The following FAF1 variants were observed in gnomAD, a reference collection of about 807,000 sequenced individuals.
FAF1 encodes the protein Fas associated factor 1, also known as FAS-associated factor 1.
Under a neutral mutation model 92.5 loss-of-function variants are expected in FAF1, and 25 were observed. The ratio of observed to expected loss-of-function variants is 0.27; its 90% confidence interval spans 0.20 to 0.38. The LOEUF (loss-of-function observed/expected upper bound fraction) is 0.38. Among genes scored for constraint, FAF1 ranks in the 10% least tolerant of loss-of-function variants. FAF1 has a pLI of 1.00. For missense variants in FAF1, 636 were observed against 793.3 expected (o/e 0.80, Z 2.38); for synonymous variants, 234 against 273.2 (o/e 0.86, Z 1.42).
intron 1 of FAF1, among the ~76,000 whole-genome samples, chr1:50,906,130 T>C (rs1416216046): frequency 6.6e-6 from 1 of 152,224 alleles, no homozygotes; most frequent in Non-Finnish European, 1.5e-5. Context: ...ATTTATTAAA[T>C]AGGGAATCCT....
At chr1:50,925,412 A>C (rs1395883726) in intron 1 of FAF1, among the ~76,000 whole-genome samples, 1 of 152,168 alleles carries the variant, frequency 6.6e-6, no homozygotes, top group Non-Finnish European at 1.5e-5. Flanking sequence ...AAATCGTTTG[A>C]CTAACAAAGA....
At chr1:50,479,772 C>T (rs1305311824) in intron 17 of FAF1, among the ~76,000 whole-genome samples, 3 of 152,170 alleles carry the variant, frequency 2.0e-5, no homozygotes, top group African/African-American at 7.2e-5. Flanking sequence ...ATACAGTCTC[C>T]AGGGCTTTTC....
intron 8 of FAF1, among the ~76,000 whole-genome samples, chr1:50,654,742 G>C (rs1453940032): frequency 1.3e-5 from 2 of 152,038 alleles, no homozygotes; most frequent in Admixed American, 1.3e-4. Flanking sequence ...TGTAATTTAG[G>C]AAAGAAAATG....
chr1:50,502,075 T>C (rs972657184), intron 15 of FAF1, among the ~76,000 whole-genome samples: 5 of 152,196 alleles, frequency 3.3e-5, no homozygotes, highest in African/African-American at 1.2e-4. Context: ...TCTGTTGTAA[T>C]GTAACTATTT....
chr1:50,930,725 C>T (rs1308156277), intron 1 of FAF1, among the ~76,000 whole-genome samples: 1 of 152,090 alleles, frequency 6.6e-6, no homozygotes, highest in African/African-American at 2.4e-5. Flanking sequence ...GTCCCAGCTA[C>T]TCGGGAGGTG....
At chr1:50,696,210 T>C (rs962148506) in intron 7 of FAF1, among the ~76,000 whole-genome samples, 1 of 152,078 alleles carries the variant, frequency 6.6e-6, no homozygotes, top group Non-Finnish European at 1.5e-5. Flanking sequence ...CTTATGCTCC[T>C]CTCCCAAAAT....
intron 15 of FAF1, among the ~76,000 whole-genome samples, chr1:50,528,197 T>C (rs1647943572): frequency 1.3e-5 from 2 of 152,148 alleles, no homozygotes; most frequent in African/African-American, 2.4e-5. Flanking sequence ...TAGCTTCTTA[T>C]GGCCAATTTT....
chr1:50,561,231 C>T (rs1375735174), intron 13 of FAF1, among the ~76,000 whole-genome samples: 1 of 152,120 alleles, frequency 6.6e-6, no homozygotes, highest in Non-Finnish European at 1.5e-5. Flanking sequence ...GAATTCAAGC[C>T]ACTTTCCAGA....
intron 1 of FAF1, among the ~76,000 whole-genome samples, chr1:50,892,486 C>T (rs147827373): frequency 2.7e-4 from 41 of 152,270 alleles, no homozygotes; most frequent in African/African-American, 8.7e-4. Context: ...ATCTTGGAAC[C>T]GCCTCCCTTC....
chr1:50,466,054 C>T (rs1158456851), intron 18 of FAF1, among the ~76,000 whole-genome samples: 2 of 152,072 alleles, frequency 1.3e-5, no homozygotes, highest in African/African-American at 4.8e-5. Context: ...AAAAAAATCG[C>T]TGTCTTTTTT....
intron 1 of FAF1, among the ~76,000 whole-genome samples, chr1:50,870,267 G>A (rs1218948309): frequency 6.6e-6 from 1 of 152,184 alleles, no homozygotes; most frequent in Non-Finnish European, 1.5e-5. Context: ...GACCAGCCTG[G>A]GCAACACAGT....
chr1:50,473,302 T>C (rs1341465972), intron 18 of FAF1, among the ~76,000 whole-genome samples: 1 of 152,152 alleles, frequency 6.6e-6, no homozygotes, highest in East Asian at 1.9e-4. Flanking sequence ...CTGTCAGTAA[T>C]AAGCTTTAAA....
At chr1:50,740,529 T>A (rs1332785976) in intron 5 of FAF1, among the ~76,000 whole-genome samples, 1 of 152,180 alleles carries the variant, frequency 6.6e-6, no homozygotes, top group African/African-American at 2.4e-5. Flanking sequence ...AAGAAATACA[T>A]AATTACCCTT....
rs79649808 is a variant in FAF1, at chr1:50,692,980, A to G, written c.657+12806T>C. On this transcript the variant is annotated intron_variant, in intron 7 of 18. Coordinates refer to ENST00000396153, the MANE Select transcript of FAF1 (RefSeq NM_007051.3). ...TCCTAGATACAAGTCTCTTATCAAT[A>G]TACAATTTGGAAATATTTTCTTCCA... Among the ~76,000 whole-genome samples the G allele has an allele frequency of 7.4e-3, 1,131 of 152,306 alleles. 22 individuals are homozygous for G. Among genetic ancestry groups the G allele is most frequent in the African/African-American group, 0.026 (1,077 of 41,552 alleles).
intron 12 of FAF1, among the ~76,000 whole-genome samples, chr1:50,574,784 C>T (rs559212178): frequency 9.2e-4 from 138 of 150,614 alleles, no homozygotes; most frequent in African/African-American, 3.3e-3. Flanking sequence ...TATGGGTATA[C>T]ATGTTCAGTA....
At chr1:50,763,097 A>C (rs1660396087) in intron 4 of FAF1, among the ~76,000 whole-genome samples, 1 of 151,952 alleles carries the variant, frequency 6.6e-6, no homozygotes, top group African/African-American at 2.4e-5. Flanking sequence ...TCTACTAAAA[A>C]TACAAAAAAA....
intron 4 of FAF1, among the ~76,000 whole-genome samples, chr1:50,756,527 G>A (rs1330857813): frequency 1.3e-5 from 2 of 152,118 alleles, no homozygotes; most frequent in Admixed American, 6.5e-5. Context: ...CAAACTCTGC[G>A]TGTTACCCAG....
At chr1:50,554,522 G>A (rs1011033883) in intron 13 of FAF1, among the ~76,000 whole-genome samples, 7 of 151,728 alleles carry the variant, frequency 4.6e-5, no homozygotes, top group Admixed American at 6.6e-5. Flanking sequence ...TTAAAAAGCC[G>A]TACTATAGTC....
chr1:50,621,296 A>C (rs1362609910), intron 8 of FAF1, among the ~76,000 whole-genome samples: 2 of 151,530 alleles, frequency 1.3e-5, no homozygotes, highest in Non-Finnish European at 1.5e-5. Context: ...CCTGCAAGGC[A>C]GCTAGGAATG....
Sources: allele counts gnomAD v4.1 joint callset (sites outside exome capture counted in the v4.1 genomes callset), GRCh38; gene constraint gnomAD v4.1.1; transcripts MANE v1.5; gene names NCBI Gene and HGNC (gene_info 2026-07-23, HGNC 2026-07-21).